Variants in CTNNA3 observed in about 807,000 individuals in gnomAD.
The protein encoded by CTNNA3 is catenin alpha 3.
In CTNNA3, 76 loss-of-function variants were observed where a neutral mutation model predicts 95.7. The ratio of observed to expected loss-of-function variants is 0.79; its 90% CI spans 0.66 to 0.96. The LOEUF (loss-of-function observed/expected upper bound fraction) is 0.96, where lower values mean the gene tolerates loss of function less well. Among genes scored for constraint, CTNNA3 ranks in the 40% least tolerant of loss-of-function variants. The pLI is 0.00. For synonymous variants in CTNNA3, 431 were observed against 374.4 expected (o/e 1.15, Z -1.74); for missense variants, 1,191 against 1,089.8 (o/e 1.09, Z -1.31).
At position 67,084,546 on chromosome 10, in the gene CTNNA3, T is replaced by G. The variant is rs531592266; in HGVS notation, c.1047+95771A>C. 8.4e-4 allele frequency among the ~76,000 whole-genome samples: 128 copies of G among 152,126 alleles called. 1 individual carries two copies. Among genetic ancestry groups the G allele is most frequent in the African/African-American group, 3.0e-3 (123 of 41,560 alleles). On this transcript the variant is annotated intron_variant, in intron 7 of 17. Coordinates refer to ENST00000433211, the MANE Select transcript of CTNNA3 (RefSeq NM_013266.4). ...CATGAGAAAAAATCATTTTCACCCT[T>G]TAGATTAGAAAATTTCCTGATCCTA... is the stretch of plus-strand genomic sequence containing the variant.
intron 13 of CTNNA3, among the ~76,000 whole-genome samples, chr10:66,104,599 A>T (rs576016023): frequency 2.2e-4 from 33 of 152,168 alleles, no homozygotes; most frequent in African/African-American, 8.0e-4. Context: ...TCTCTCTCCC[A>T]TCCTCCCTGC....
chr10:66,878,363 A>T (rs1844708221), intron 7 of CTNNA3, among the ~76,000 whole-genome samples: 1 of 152,138 alleles, frequency 6.6e-6, no homozygotes, highest in Non-Finnish European at 1.5e-5. Flanking sequence ...CCATGAAAAC[A>T]TATGAAACAG....
intron 16 of CTNNA3, among the ~76,000 whole-genome samples, chr10:65,979,490 T>C (rs893208732): frequency 3.3e-5 from 5 of 152,100 alleles, no homozygotes; most frequent in African/African-American, 1.2e-4. Flanking sequence ...AAAATAAGGA[T>C]GTGGAAAAGA....
chr10:66,229,776 G>T (rs184458392), intron 13 of CTNNA3, among the ~76,000 whole-genome samples: 22 of 152,024 alleles, frequency 1.4e-4, no homozygotes, highest in African/African-American at 4.8e-4. Flanking sequence ...TAAGACTTAG[G>T]ACATTTTTAG....
intron 7 of CTNNA3, among the ~76,000 whole-genome samples, chr10:67,087,082 A>G (rs537953809): frequency 6.6e-6 from 1 of 152,194 alleles, no homozygotes; most frequent in African/African-American, 2.4e-5. Flanking sequence ...CATAGTTTCA[A>G]TTTAGGTCTC....
At position 66,520,548 on chromosome 10, in the gene CTNNA3, G is replaced by C. The variant is rs574007553; in HGVS notation, c.1531+69C>G. On this transcript the variant is annotated intron_variant, in intron 11 of 17. Coordinates refer to ENST00000433211, the MANE Select transcript of CTNNA3 (RefSeq NM_013266.4). ...ATTACAGGCATGAGCCACCATGCCT[G>C]TCCCAGTATTATTCTATTTTATAAA... The C allele has an allele frequency of 2.1e-5, 30 of 1,419,310 alleles. No individual in the cohort carries two copies. In the East Asian group the frequency reaches 7.9e-4, roughly 37 times the overall value. The allele number at this position is 1,419,310 out of a possible 1,614,324, so 87.9% of individuals were successfully genotyped here.
At chr10:67,378,634 G>A (rs547032291) in intron 5 of CTNNA3, among the ~76,000 whole-genome samples, 3 of 152,088 alleles carry the variant, frequency 2.0e-5, no homozygotes, top group African/African-American at 2.4e-5. Context: ...CCTCATCCAC[G>A]TATGACTTAG....
chr10:67,301,335 A>G (rs1199319015), intron 5 of CTNNA3, among the ~76,000 whole-genome samples: 1 of 152,000 alleles, frequency 6.6e-6, no homozygotes, highest in Non-Finnish European at 1.5e-5. Context: ...AATGGTTTTT[A>G]TCAAAAAGAT....
intron 16 of CTNNA3, among the ~76,000 whole-genome samples, chr10:65,984,746 T>C (rs1242079955): frequency 6.6e-6 from 1 of 151,188 alleles, no homozygotes; most frequent in Non-Finnish European, 1.5e-5. Flanking sequence ...TGTTTCAAAA[T>C]AAACAGAAAA....
At chr10:65,993,585 T>C (rs1392197743) in intron 15 of CTNNA3, among the ~76,000 whole-genome samples, 1 of 152,254 alleles carries the variant, frequency 6.6e-6, no homozygotes, top group Non-Finnish European at 1.5e-5. Context: ...TTTTGGTTTC[T>C]GTTTGCACCA....
intron 1 of CTNNA3, among the ~76,000 whole-genome samples, chr10:67,690,565 G>A (rs1046954604): frequency 2.8e-4 from 43 of 151,976 alleles, no homozygotes; most frequent in African/African-American, 9.9e-4. Context: ...GACACAGAGC[G>A]CTGATTGGTG....
chr10:67,630,153 G>A (rs1033690307), intron 2 of CTNNA3, among the ~76,000 whole-genome samples: 7 of 152,102 alleles, frequency 4.6e-5, no homozygotes, highest in African/African-American at 1.7e-4. Flanking sequence ...GCATTATGGA[G>A]ACTTAACAAA....
intron 9 of CTNNA3, among the ~76,000 whole-genome samples, chr10:66,632,883 A>G (rs1845196068): frequency 6.6e-6 from 1 of 152,156 alleles, no homozygotes; most frequent in Admixed American, 6.5e-5. Context: ...TTAAAAATGG[A>G]CAAAATATTT....
intron 13 of CTNNA3, among the ~76,000 whole-genome samples, chr10:66,146,723 AT>A (rs931837995): frequency 2.0e-5 from 3 of 151,974 alleles, no homozygotes; most frequent in African/African-American, 7.3e-5. Context: ...TGCCCAGCTA[AT>A]TTTTGTATTT....
At chr10:67,295,053 T>TA (rs974537706) in intron 5 of CTNNA3, among the ~76,000 whole-genome samples, 1 of 152,192 alleles carries the variant, frequency 6.6e-6, no homozygotes, top group Admixed American at 6.5e-5. Flanking sequence ...ATGCTAATAC[T>TA]AAAAACACAT....
chr10:67,524,567 G>C (rs1840086234), intron 4 of CTNNA3, among the ~76,000 whole-genome samples: 1 of 152,116 alleles, frequency 6.6e-6, no homozygotes, highest in African/African-American at 2.4e-5. Context: ...GGAGATTTCA[G>C]CTTGAACTTT....
chr10:67,365,968 A>T (rs1214230679), intron 5 of CTNNA3, among the ~76,000 whole-genome samples: 1 of 152,206 alleles, frequency 6.6e-6, no homozygotes, highest in African/African-American at 2.4e-5. Flanking sequence ...AAAGACTTGG[A>T]CCCAACCCAA....
chr10:67,665,477 C>G (rs540199366), intron 1 of CTNNA3: 1 of 152,160 alleles, frequency 6.6e-6, no homozygotes, highest in Non-Finnish European at 1.5e-5. Context: ...AACAGATAAT[C>G]TATAATTACT....
At chr10:67,135,463 G>T (rs1860250287) in intron 7 of CTNNA3, among the ~76,000 whole-genome samples, 1 of 151,984 alleles carries the variant, frequency 6.6e-6, no homozygotes, top group South Asian at 2.1e-4. Context: ...ATTGTTTCAA[G>T]GCCAGCCTGG....
Sources: allele counts gnomAD v4.1 joint callset (sites outside exome capture counted in the v4.1 genomes callset), GRCh38; gene constraint gnomAD v4.1.1; transcripts MANE v1.5; gene names NCBI Gene and HGNC (gene_info 2026-07-23, HGNC 2026-07-21).